Variants in CNTNAP2 observed in about 807,000 individuals in gnomAD.
CNTNAP2 encodes the protein contactin-associated protein-like 2.
Under a neutral mutation model 155.2 loss-of-function variants are expected in CNTNAP2, and 98 were observed. That is an observed-to-expected ratio of 0.63 (90% CI 0.54 to 0.75). The LOEUF is 0.75. CNTNAP2 is among the 30% of genes least tolerant of loss of function. The probability of loss-of-function intolerance (pLI) is 0.00; values close to 1 mark genes in which losing one functional copy is unlikely to be tolerated. For missense variants in CNTNAP2, 1,727 were observed against 1,688.1 expected (o/e 1.02, Z -0.40); for synonymous variants, 651 against 631.2 (o/e 1.03, Z -0.47).
At chr7:146,436,683 A>G (rs1015130484) in intron 1 of CNTNAP2, among the ~76,000 whole-genome samples, 1 of 147,240 alleles carries the variant, frequency 6.8e-6, no homozygotes, top group African/African-American at 2.7e-5. Context: ...CTAAAACTTG[A>G]TAAATATTTT....
At chr7:148,015,093 C>G (rs13224836) in intron 15 of CNTNAP2, among the ~76,000 whole-genome samples, 6 of 152,088 alleles carry the variant, frequency 3.9e-5, no homozygotes, top group Non-Finnish European at 8.8e-5. Flanking sequence ...AGGGTAAACA[C>G]TTTTATTTGT....
At chr7:148,031,994 T>C (rs1802485406) in intron 15 of CNTNAP2, among the ~76,000 whole-genome samples, 1 of 152,150 alleles carries the variant, frequency 6.6e-6, no homozygotes, top group Non-Finnish European at 1.5e-5. Flanking sequence ...GCTTTATTGT[T>C]GCAAGTCGAC....
intron 6 of CNTNAP2, among the ~76,000 whole-genome samples, chr7:147,123,403 G>A (rs1234542711): frequency 3.3e-5 from 5 of 152,320 alleles, no homozygotes; most frequent in Middle Eastern, 3.4e-3. Flanking sequence ...AGTGTGTGAC[G>A]AAGTCTATGA....
chr7:147,745,789 A>T (rs1265972581), intron 13 of CNTNAP2, among the ~76,000 whole-genome samples: 1 of 152,222 alleles, frequency 6.6e-6, no homozygotes, highest in African/African-American at 2.4e-5. Context: ...GCATGCAATG[A>T]ATCAATTCAG....
At chr7:147,373,423 A>C (rs769655655) in intron 9 of CNTNAP2, among the ~76,000 whole-genome samples, 20 of 152,218 alleles carry the variant, frequency 1.3e-4, no homozygotes, top group Non-Finnish European at 2.9e-4. Context: ...TAGGTGCACA[A>C]ATAACCTACA....
chr7:148,358,759 C>T (rs1439597104), intron 21 of CNTNAP2, among the ~76,000 whole-genome samples: 1 of 152,174 alleles, frequency 6.6e-6, no homozygotes, highest in African/African-American at 2.4e-5. Flanking sequence ...CTTCTCCAGG[C>T]CTGTTTCCTC....
At chr7:147,918,229 C>A (rs1800194434) in intron 14 of CNTNAP2, among the ~76,000 whole-genome samples, 1 of 152,248 alleles carries the variant, frequency 6.6e-6, no homozygotes, top group African/African-American at 2.4e-5. Context: ...ATAAGTCATT[C>A]ATGCCTGTCA....
intron 12 of CNTNAP2, among the ~76,000 whole-genome samples, chr7:147,578,013 C>T (rs908718262): frequency 3.9e-5 from 6 of 152,056 alleles, no homozygotes; most frequent in African/African-American, 1.4e-4. Flanking sequence ...AACTTCTATA[C>T]AACATTTGAG....
intron 15 of CNTNAP2, among the ~76,000 whole-genome samples, chr7:148,055,658 T>A (rs1563182981): frequency 6.6e-6 from 1 of 152,198 alleles, no homozygotes; most frequent in Non-Finnish European, 1.5e-5. Flanking sequence ...TAAATGGTAG[T>A]CCTGTTTTGT....
chr7:146,299,446 C>T (rs1800568898), intron 1 of CNTNAP2, among the ~76,000 whole-genome samples: 1 of 152,174 alleles, frequency 6.6e-6, no homozygotes, highest in East Asian at 1.9e-4. Flanking sequence ...TGCAGTGTCA[C>T]GATCATAGCT....
rs528575672 is a variant in CNTNAP2, at chr7:147,866,023, G to A, written c.2099-37542G>A. On this transcript the variant is annotated intron_variant, in intron 13 of 23. Coordinates refer to ENST00000361727, the MANE Select transcript of CNTNAP2 (RefSeq NM_014141.6). Reference sequence around the variant, plus strand: ...CTTTTAATTGTGATGTTAGGATGTCGATTTTAGATCTTTCCTGCTTTCTCT... The same window carrying A: ...CTTTTAATTGTGATGTTAGGATGTCAATTTTAGATCTTTCCTGCTTTCTCT... 7.2e-4 allele frequency among the ~76,000 whole-genome samples: 110 copies of A among 152,084 alleles called. 2 individuals are homozygous for A. In the South Asian group the frequency reaches 0.022, roughly 31 times the overall value.
At chr7:148,238,351 A>G (rs1796083850) in intron 20 of CNTNAP2, among the ~76,000 whole-genome samples, 1 of 152,146 alleles carries the variant, frequency 6.6e-6, no homozygotes, top group South Asian at 2.1e-4. Context: ...CCATCTCAAA[A>G]AAAAAGAAGT....
intron 8 of CNTNAP2, among the ~76,000 whole-genome samples, chr7:147,215,078 C>G (rs1285276207): frequency 6.6e-6 from 1 of 152,088 alleles, no homozygotes; most frequent in Non-Finnish European, 1.5e-5. Context: ...TCACCTCCCA[C>G]CAAGTCCCTG....
At chr7:146,657,086 G>C (rs200444077) in intron 1 of CNTNAP2, among the ~76,000 whole-genome samples, 3 of 152,034 alleles carry the variant, frequency 2.0e-5, no homozygotes, top group East Asian at 1.9e-4. Context: ...AGCTCTCTCT[G>C]TGTGTGTGAA....
intron 13 of CNTNAP2, among the ~76,000 whole-genome samples, chr7:147,665,562 C>T (rs1415046114): frequency 1.3e-5 from 2 of 152,178 alleles, no homozygotes; most frequent in Admixed American, 6.5e-5. Flanking sequence ...ATTATTTCAT[C>T]ACCGAGGTAT....
chr7:147,345,518 G>C (rs1232630884), intron 9 of CNTNAP2, among the ~76,000 whole-genome samples: 1 of 152,094 alleles, frequency 6.6e-6, no homozygotes, highest in Non-Finnish European at 1.5e-5. Context: ...CTTGTGAAGT[G>C]AATGTTAAGT....
chr7:147,559,209 T>C (rs6952758), intron 11 of CNTNAP2, among the ~76,000 whole-genome samples: 69,737 of 151,974 alleles, frequency 0.46, 16,169 homozygotes, highest in East Asian at 0.61. Context: ...CTTTTGTAGA[T>C]TGAGAAAGTG....
chr7:146,651,363 G>GGGTC (rs1485296368), intron 1 of CNTNAP2, among the ~76,000 whole-genome samples: 1 of 152,068 alleles, frequency 6.6e-6, no homozygotes, highest in African/African-American at 2.4e-5. Flanking sequence ...AACATATGAA[G>GGGTC]GGTCACTCAA....
Position 148,217,342 on chromosome 7 carries a change from C to T in CNTNAP2, c.3065C>T (p.Pro1022Leu). 2 of 1,614,074 alleles carry T rather than the reference C, an allele frequency of 1.2e-6. No individual in the cohort carries two copies. Among genetic ancestry groups the T allele is most frequent in the Non-Finnish European group, 1.7e-6 (2 of 1,180,002 alleles). The part of the protein sequence containing the change: ...GMWLRYNFQA[P>L]ATNARDSSSR... ...TGGCTACGATATAACTTTCAGGCAC[C>T]AGCAACAAATGCCAGAGACTCCAGC... Residue 1022 changes from proline (P) to leucine (L), a missense_variant, in exon 19 of 24, where the codon CCA (proline) becomes CTA (leucine). Coordinates refer to ENST00000361727, the MANE Select transcript of CNTNAP2 (RefSeq NM_014141.6).
Sources: allele counts gnomAD v4.1 joint callset (sites outside exome capture counted in the v4.1 genomes callset), GRCh38; gene constraint gnomAD v4.1.1; transcripts MANE v1.5; gene names NCBI Gene and HGNC (gene_info 2026-07-23, HGNC 2026-07-21).